Variants in SLCO2B1 observed in about 807,000 individuals in gnomAD.
SLCO2B1 encodes solute carrier organic anion transporter family member 2B1.
SLCO2B1 carries 41 observed loss-of-function variants against 67.3 expected under a neutral mutation model. The observed-to-expected ratio is 0.61, with a 90% CI of 0.47 to 0.79. The LOEUF is 0.79. Ranked by LOEUF, SLCO2B1 falls within the 30% of genes least tolerant of loss-of-function variation. SLCO2B1 has a pLI of 0.00. For missense variants in SLCO2B1, 837 were observed against 920.1 expected (o/e 0.91, Z 1.17); for synonymous variants, 379 against 381.4 (o/e 0.99, Z 0.07).
chr11:75,158,192 G>A (rs1045327067), intron 1 of SLCO2B1, among the ~76,000 whole-genome samples: 17 of 151,946 alleles, frequency 1.1e-4, no homozygotes, highest in Non-Finnish European at 2.4e-4. Flanking sequence ...CTCTTGCCTC[G>A]GCCTCCCGAG....
In SLCO2B1 at chr11:75,196,760, T is replaced by C. The variant is rs1160417110; in HGVS notation, c.1599+81T>C. 34 of 1,271,044 alleles carry C rather than the reference T, an allele frequency of 2.7e-5. No individual in the cohort carries two copies. In the East Asian group the frequency reaches 8.1e-4, roughly 30 times the overall value. The allele number at this position is 1,271,044 out of a possible 1,614,324, so 78.7% of individuals were successfully genotyped here. A position where few individuals can be genotyped will look rare whatever the true frequency, so the allele number is the denominator to read the frequency against. On this transcript the variant is annotated intron_variant, in intron 10 of 13. Coordinates refer to ENST00000289575, the MANE Select transcript of SLCO2B1 (RefSeq NM_007256.5). ...TCTGTGGGCCTGTCATACTCTCCAC[T>C]TCTGCATGCTCTCACTCTGTAGCTC...
chr11:75,193,466 T>C lies in SLCO2B1; in HGVS notation c.1324T>C (p.Cys442Arg), dbSNP rs1243027542. ...VKRLHLGPVG[C>R]GALCLLGMLL... ...GCGGCTCCACCTGGGCCCTGTGGGATGCGGTGCCCTTTGCCTGCTGGGGAT... is the reference window on the plus strand; with the variant it reads ...GCGGCTCCACCTGGGCCCTGTGGGACGCGGTGCCCTTTGCCTGCTGGGGAT... Residue 442 changes from cysteine (C) to arginine (R), a missense_variant, in exon 9 of 14, where the codon TGC (cysteine) becomes CGC (arginine). Coordinates refer to ENST00000289575, the MANE Select transcript of SLCO2B1 (RefSeq NM_007256.5). This position sits in a 1 kb window ranked among gnomAD's most constrained non-coding sequence, Gnocchi z 4.2. 2 of 1,611,706 alleles carry C rather than the reference T, an allele frequency of 1.2e-6. No individual in the cohort carries two copies. Among genetic ancestry groups the C allele is most frequent in the Non-Finnish European group, 1.7e-6 (2 of 1,178,270 alleles).
chr11:75,197,427 G>A (rs1271683071), intron 10 of SLCO2B1, among the ~76,000 whole-genome samples: 6 of 152,230 alleles, frequency 3.9e-5, no homozygotes, highest in African/African-American at 7.2e-5. Flanking sequence ...GGGGAAATGC[G>A]CTCAGCAGAG....
In SLCO2B1 at chr11:75,188,479, A is replaced by G. The variant is rs77090682; in HGVS notation, c.1075+241A>G. 1.9e-3 allele frequency among the ~76,000 whole-genome samples: 282 copies of G among 152,254 alleles called. 1 individual carries two copies. Among genetic ancestry groups the G allele is most frequent in the Non-Finnish European group, 3.1e-3 (212 of 68,028 alleles). On this transcript the variant is annotated intron_variant, in intron 8 of 13. Coordinates refer to ENST00000289575, the MANE Select transcript of SLCO2B1 (RefSeq NM_007256.5). ...TGCGGCTCATGCCTGTAATCCCAGC[A>G]CTTTGGGAGGCCGAGGTGGACGGAT...
chr11:75,200,423 C>T, intron 11 of SLCO2B1, 36 bp downstream of exon 11: 4 of 1,544,536 alleles, frequency 2.6e-6, no homozygotes, highest in Non-Finnish European at 3.5e-6. Flanking sequence ...AGGTGGATAC[C>T]AGGAGGTCCT....
In SLCO2B1 at chr11:75,206,123, C is replaced by T. The variant is rs1945273580; in HGVS notation, c.*1543C>T. 1 of 152,226 alleles carries T rather than the reference C, an allele frequency of 6.6e-6. No homozygotes were observed. Among genetic ancestry groups the T allele is most frequent in the Non-Finnish European group, 1.5e-5 (1 of 68,032 alleles). The allele number at this position is 152,226 out of a possible 1,614,324, so 9.4% of individuals were successfully genotyped here. A position where few individuals can be genotyped will look rare whatever the true frequency, so the allele number is the denominator to read the frequency against. On this transcript the variant is annotated 3_prime_UTR_variant, in exon 14 of 14. Transcript: ENST00000289575. ...ATGTATCTATCAACGCCAAGAATTT[C>T]AAAGTCTCCTTCAACAATATGAGGC... is the stretch of plus-strand genomic sequence containing the variant.
intron 4 of SLCO2B1, 110 bp downstream of exon 4, chr11:75,166,059 C>T (rs896907304): frequency 3.1e-6 from 4 of 1,296,068 alleles, no homozygotes; most frequent in African/African-American, 1.5e-5. Flanking sequence ...AAAACCTCAA[C>T]ACCCCAGGAC....
At chr11:75,195,224 G>A (rs921301639) in intron 9 of SLCO2B1, among the ~76,000 whole-genome samples, 1 of 152,194 alleles carries the variant, frequency 6.6e-6, no homozygotes, top group African/African-American at 2.4e-5. Context: ...GAGGAGCGGA[G>A]GAAGGACTCC....
chr11:75,169,904 C>T (rs763502145), intron 6 of SLCO2B1, 140 bp downstream of exon 6: 4 of 640,292 alleles, frequency 6.2e-6, no homozygotes, highest in Non-Finnish European at 1.1e-5. Flanking sequence ...CTCTGAACCT[C>T]AGCTTTCTCA....
chr11:75,155,932 G>C (rs574154700), intron 1 of SLCO2B1, among the ~76,000 whole-genome samples: 9 of 152,256 alleles, frequency 5.9e-5, no homozygotes, highest in African/African-American at 2.2e-4. Flanking sequence ...GGGTACGTGG[G>C]ATGGGACTGG....
chr11:75,170,047 C>T (rs1949940434), intron 6 of SLCO2B1: 1 of 381,376 alleles, frequency 2.6e-6, no homozygotes, highest in Non-Finnish European at 4.8e-6. Context: ...TGGGAGTCTT[C>T]GCCTTGTTCC....
At chr11:75,168,257 T>A (rs1403387460) in intron 4 of SLCO2B1, among the ~76,000 whole-genome samples, 1 of 152,168 alleles carries the variant, frequency 6.6e-6, no homozygotes, top group Non-Finnish European at 1.5e-5. Flanking sequence ...TAAGGGCCTC[T>A]GTCAAAGTCA....
At chr11:75,189,927 G>C (rs142999903) in intron 8 of SLCO2B1, among the ~76,000 whole-genome samples, 14 of 149,914 alleles carry the variant, frequency 9.3e-5, no homozygotes, top group African/African-American at 2.5e-4. Flanking sequence ...TGGCCGCTGC[G>C]CTCCAGCCTG....
chr11:75,164,251 A>C, intron 3 of SLCO2B1, 151 bp downstream of exon 3: 1 of 837,630 alleles, frequency 1.2e-6, no homozygotes, highest in African/African-American at 1.7e-5. Context: ...GAAACCTCAG[A>C]GCGTTTGCAG....
At chr11:75,167,612 G>A (rs1949908463) in intron 4 of SLCO2B1, among the ~76,000 whole-genome samples, 1 of 152,176 alleles carries the variant, frequency 6.6e-6, no homozygotes, top group African/African-American at 2.4e-5. Flanking sequence ...GGGCACTGGG[G>A]ACACAGGGAT....
intron 8 of SLCO2B1, 53 bp downstream of exon 8, chr11:75,188,291 G>T: frequency 8.6e-7 from 1 of 1,167,710 alleles, no homozygotes; most frequent in Non-Finnish European, 1.3e-6. Context: ...GGGTCTTCGA[G>T]ATTGTCAGGA....
At position 75,204,709 on chromosome 11, in the gene SLCO2B1, T is replaced by C; in HGVS notation, c.*129T>C. 1 of 751,176 alleles carries C rather than the reference T, an allele frequency of 1.3e-6. No individual in the cohort carries two copies. The highest frequency in any genetic ancestry group is 3.0e-5 in the East Asian group (1 of 33,152). The allele number at this position is 751,176 out of a possible 1,614,324, so 46.5% of individuals were successfully genotyped here. Reference sequence around the variant, plus strand: ...CTCCTCCACTAAATTGCTGTGTGACTTCAGGCAAGACATTGATCCTCTCTC... The same window carrying C: ...CTCCTCCACTAAATTGCTGTGTGACCTCAGGCAAGACATTGATCCTCTCTC... On this transcript the variant is annotated 3_prime_UTR_variant, in exon 14 of 14. Coordinates refer to ENST00000289575, the MANE Select transcript of SLCO2B1 (RefSeq NM_007256.5).
Position 75,165,804 on chromosome 11 carries a change from G to A in SLCO2B1, c.303G>A (p.Leu101=). 1 of 1,614,200 alleles carries A rather than the reference G, an allele frequency of 6.2e-7. No homozygotes were observed. Among genetic ancestry groups the A allele is most frequent in the South Asian group, 1.1e-5 (1 of 91,082 alleles). The change falls in exon 4 of 14, where the codon TTG becomes TTA. Residue 101 remains leucine (L), a synonymous_variant. Transcript: ENST00000289575. Reference sequence around the variant, plus strand: ...TTTTGCAGGTGGGGAACACAGCCTTGATTGTGTTTGTGAGCTATTTTGGCA... The same window carrying A: ...TTTTGCAGGTGGGGAACACAGCCTTAATTGTGTTTGTGAGCTATTTTGGCA... ...ASFNEVGNTA[L]IVFVSYFGSR... is the part of the protein sequence containing the mutation.
intron 11 of SLCO2B1, 62 bp from the exon 12 acceptor site, chr11:75,202,839 T>C (rs1010106273): frequency 2.9e-5 from 41 of 1,417,148 alleles, no homozygotes; most frequent in South Asian, 3.4e-5. Flanking sequence ...TCAACGTTGA[T>C]GCATGGCCCT....
Sources: allele counts gnomAD v4.1 joint callset (sites outside exome capture counted in the v4.1 genomes callset), GRCh38; gene constraint gnomAD v4.1.1; non-coding constraint Gnocchi (gnomAD v3.1); transcripts MANE v1.5; gene names NCBI Gene and HGNC (gene_info 2026-07-23, HGNC 2026-07-21).